The following CCDC148 variants were observed in gnomAD, a reference collection of about 807,000 sequenced individuals.
The protein encoded by CCDC148 is coiled-coil domain-containing protein 148.
A neutral mutation model predicts 85.7 loss-of-function variants in CCDC148; 89 were observed. The ratio of observed to expected loss-of-function variants is 1.04; its 90% CI spans 0.87 to 1.24. The LOEUF (loss-of-function observed/expected upper bound fraction) is 1.24. CCDC148 is among the 50% of genes most tolerant of loss of function. The pLI is 0.00. For missense variants in CCDC148, 692 were observed against 671.7 expected (o/e 1.03, Z -0.33); for synonymous variants, 230 against 213.9 (o/e 1.08, Z -0.66).
At chr2:158,308,965 A>G (rs1287573336) in intron 9 of CCDC148, among the ~76,000 whole-genome samples, 1 of 152,124 alleles carries the variant, frequency 6.6e-6, no homozygotes, top group Non-Finnish European at 1.5e-5. Flanking sequence ...TCCATTCCCC[A>G]ACACTTCGCT....
chr2:158,390,717 C>G (rs77935130), intron 1 of CCDC148, among the ~76,000 whole-genome samples: 7,158 of 152,220 alleles, frequency 0.047, 554 homozygotes, highest in African/African-American at 0.16. Context: ...GATGTTTATT[C>G]TGAGACCAGG....
At chr2:158,215,058 A>G (rs982446521) in intron 11 of CCDC148, among the ~76,000 whole-genome samples, 2 of 152,230 alleles carry the variant, frequency 1.3e-5, no homozygotes, top group Non-Finnish European at 2.9e-5. Flanking sequence ...GGACACTATC[A>G]ATGTAGAACT....
chr2:158,297,335 C>A (rs1293773549), intron 9 of CCDC148, among the ~76,000 whole-genome samples: 1 of 152,144 alleles, frequency 6.6e-6, no homozygotes, highest in Non-Finnish European at 1.5e-5. Flanking sequence ...TAAATTACAT[C>A]TATAGATGTT....
At chr2:158,264,258 C>G (rs1023580250) in intron 9 of CCDC148, among the ~76,000 whole-genome samples, 7 of 152,036 alleles carry the variant, frequency 4.6e-5, no homozygotes, top group Non-Finnish European at 1.0e-4. Context: ...TCATTCCTTT[C>G]TAGATATAGC....
rs1688756301 is a variant in CCDC148, at chr2:158,456,528, A to C, written c.-89T>G. On this transcript the variant is annotated 5_prime_UTR_variant, in exon 1 of 14. It removes an upstream start codon present in the reference 5' UTR. Transcript: ENST00000283233. ...CCTGGGCTCTCGCCGTCAGGGGTAC[A>C]TCTAAGGGCTCAGCTGTTCCTACCT... 10 of 1,502,062 alleles carry C rather than the reference A, an allele frequency of 6.7e-6. No individual in the cohort carries two copies. Among genetic ancestry groups the C allele is most frequent in the Non-Finnish European group, 8.1e-6 (9 of 1,108,764 alleles). 93.0% of individuals were successfully genotyped at this position (1,502,062 alleles called of 1,614,324 possible). A position where few individuals can be genotyped will look rare whatever the true frequency, so the allele number is the denominator to read the frequency against.
chr2:158,235,336 T>A lies in CCDC148; in HGVS notation c.1252-14623A>T, dbSNP rs115941293. Among the ~76,000 whole-genome samples the A allele has an allele frequency of 2.0e-5, 3 of 152,228 alleles. No homozygotes were observed. The East Asian group carries it at 5.8e-4, about 29-fold the overall frequency. On this transcript the variant is annotated intron_variant, in intron 10 of 13. Coordinates refer to ENST00000283233, the MANE Select transcript of CCDC148 (RefSeq NM_138803.4). ...GACAAGAATCCTACATATATTCCTA[T>A]ATAACATTTTTCTTATCACCTTGCA... is the stretch of plus-strand genomic sequence containing the variant.
intron 10 of CCDC148, among the ~76,000 whole-genome samples, chr2:158,227,032 G>A (rs2105308734): frequency 6.6e-6 from 1 of 152,160 alleles, no homozygotes; most frequent in South Asian, 2.1e-4. Context: ...GTTTGCAGAT[G>A]ACATGATTGT....
chr2:158,413,155 A>G (rs1686340470), intron 1 of CCDC148, among the ~76,000 whole-genome samples: 1 of 152,128 alleles, frequency 6.6e-6, no homozygotes, highest in Non-Finnish European at 1.5e-5. Context: ...TTTTATCCCT[A>G]AAGTATTAAG....
intron 7 of CCDC148, among the ~76,000 whole-genome samples, chr2:158,331,988 A>G (rs1223235261): frequency 6.6e-6 from 1 of 152,070 alleles, no homozygotes; most frequent in Non-Finnish European, 1.5e-5. Context: ...TTTTAATTGG[A>G]GCATTTAGCC....
At chr2:158,378,814 C>A (rs1574721601) in intron 1 of CCDC148, among the ~76,000 whole-genome samples, 1 of 152,238 alleles carries the variant, frequency 6.6e-6, no homozygotes, top group Non-Finnish European at 1.5e-5. Context: ...TTTAAGCCCA[C>A]TGTTGAGACT....
At chr2:158,259,647 A>G (rs1254570429) in intron 9 of CCDC148, among the ~76,000 whole-genome samples, 1 of 151,868 alleles carries the variant, frequency 6.6e-6, no homozygotes, top group Admixed American at 6.6e-5. Flanking sequence ...CTTTTTGGCC[A>G]CCAGTTCAAG....
At chr2:158,329,071 G>C (rs1461444795) in intron 7 of CCDC148, among the ~76,000 whole-genome samples, 2 of 151,862 alleles carry the variant, frequency 1.3e-5, no homozygotes, top group African/African-American at 4.8e-5. Flanking sequence ...TTGGTGTTTT[G>C]GACATGAAGT....
At chr2:158,323,983 C>A (rs1052408354) in intron 7 of CCDC148, among the ~76,000 whole-genome samples, 1 of 127,884 alleles carries the variant, frequency 7.8e-6, no homozygotes, top group Non-Finnish European at 1.6e-5. Context: ...GACTGGAGTG[C>A]CGTGGTGTGA....
chr2:158,197,882 G>A (rs1452367530), intron 11 of CCDC148, among the ~76,000 whole-genome samples: 1 of 151,834 alleles, frequency 6.6e-6, no homozygotes, highest in Non-Finnish European at 1.5e-5. Context: ...TTCATTAACT[G>A]GTTAATGCAA....
chr2:158,334,541 C>G (rs1693322148), intron 7 of CCDC148, among the ~76,000 whole-genome samples: 2 of 68,884 alleles, frequency 2.9e-5, no homozygotes, highest in Admixed American at 1.2e-4. Context: ...TTATTTTTAT[C>G]TCATTCTTTT....
chr2:158,304,561 G>T (rs756158645), intron 9 of CCDC148, among the ~76,000 whole-genome samples: 7 of 152,142 alleles, frequency 4.6e-5, no homozygotes, highest in Non-Finnish European at 1.0e-4. Context: ...TTTGACAATG[G>T]CCCTTTACCA....
At chr2:158,347,385 G>T (rs537329676) in intron 2 of CCDC148, among the ~76,000 whole-genome samples, 12 of 151,914 alleles carry the variant, frequency 7.9e-5, no homozygotes, top group African/African-American at 2.7e-4. Flanking sequence ...CCAATATTTT[G>T]CAGAACATAC....
chr2:158,199,266 A>C (rs1685830079), intron 11 of CCDC148, among the ~76,000 whole-genome samples: 1 of 151,854 alleles, frequency 6.6e-6, no homozygotes. Context: ...TTTTTTTGAG[A>C]CAAAGTCTCA....
chr2:158,301,264 T>C (rs1217193964), intron 9 of CCDC148, among the ~76,000 whole-genome samples: 6 of 152,204 alleles, frequency 3.9e-5, no homozygotes, highest in Admixed American at 3.3e-4. Context: ...TCAGGAACAA[T>C]GGCCAGGGCT....
Sources: allele counts gnomAD v4.1 joint callset (sites outside exome capture counted in the v4.1 genomes callset), GRCh38; gene constraint gnomAD v4.1.1; transcripts MANE v1.5; gene names NCBI Gene and HGNC (gene_info 2026-07-23, HGNC 2026-07-21).